CTNNA3: variants seen among roughly 807,000 people sequenced by gnomAD.
The protein encoded by CTNNA3 is catenin alpha 3.
In CTNNA3, 76 loss-of-function variants were observed where a neutral mutation model predicts 95.7. That is an observed-to-expected ratio of 0.79 (90% CI 0.66 to 0.96). The LOEUF (loss-of-function observed/expected upper bound fraction) is 0.96. CTNNA3 is among the 40% of genes least tolerant of loss of function. The probability of loss-of-function intolerance (pLI) is 0.00; values close to 1 mark genes in which losing one functional copy is unlikely to be tolerated. For synonymous variants in CTNNA3, 431 were observed against 374.4 expected (o/e 1.15, Z -1.74); for missense variants, 1,191 against 1,089.8 (o/e 1.09, Z -1.31).
rs1478137167 is a variant in CTNNA3, at chr10:65,914,276, A to G, written c.*6054T>C. 6.6e-6 allele frequency: 1 copy of G among 152,138 alleles called. No individual in the cohort carries two copies. The highest frequency in any genetic ancestry group is 1.5e-5 in the Non-Finnish European group (1 of 68,016). The allele number at this position is 152,138 out of a possible 1,614,324, so 9.4% of individuals were successfully genotyped here. On this transcript the variant is annotated 3_prime_UTR_variant, in exon 18 of 18. Transcript: ENST00000433211. ...AGGCACCATCATGACTACCAGATAC[A>G]TAAAAGTGAAGATCCCCAATATACA...
intron 9 of CTNNA3, among the ~76,000 whole-genome samples, chr10:66,652,401 G>A (rs1193842238): frequency 1.3e-5 from 2 of 151,940 alleles, no homozygotes; most frequent in Non-Finnish European, 2.9e-5. Flanking sequence ...TAGAAGAAAT[G>A]GGTAAATTTC....
At chr10:67,651,461 C>T (rs191777689) in intron 1 of CTNNA3, among the ~76,000 whole-genome samples, 1 of 152,316 alleles carries the variant, frequency 6.6e-6, no homozygotes, top group Admixed American at 6.5e-5. Context: ...TTAACACCCC[C>T]TCCCATTTCC....
chr10:66,922,459 C>T lies in CTNNA3; in HGVS notation c.1048-146935G>A, dbSNP rs551136584. Among the ~76,000 whole-genome samples, 4 of 152,294 alleles carry T rather than the reference C, an allele frequency of 2.6e-5. No individual in the cohort carries two copies. In the East Asian group the frequency reaches 7.7e-4, roughly 29 times the overall value. ...TATGTCTTTGCAGTAACTTCTGCAG[C>T]CTCAAGTATTCAGTGTGGCTTAGAA... On this transcript the variant is annotated intron_variant, in intron 7 of 17. Coordinates refer to ENST00000433211, the MANE Select transcript of CTNNA3 (RefSeq NM_013266.4).
intron 5 of CTNNA3, among the ~76,000 whole-genome samples, chr10:67,478,465 T>C (rs1848100782): frequency 6.6e-6 from 1 of 152,104 alleles, no homozygotes; most frequent in Non-Finnish European, 1.5e-5. Flanking sequence ...CCAGGAGAGA[T>C]TGGGAGCTCA....
intron 13 of CTNNA3, among the ~76,000 whole-genome samples, chr10:66,148,183 T>C (rs941437017): frequency 6.6e-6 from 1 of 152,060 alleles, no homozygotes; most frequent in Non-Finnish European, 1.5e-5. Context: ...TGGGCATTAA[T>C]GTCGGGTCAT....
chr10:66,607,396 T>C (rs1382949654), intron 10 of CTNNA3, among the ~76,000 whole-genome samples: 1 of 146,474 alleles, frequency 6.8e-6, no homozygotes, highest in African/African-American at 2.6e-5. Context: ...TTCCAAAATA[T>C]TGAGGAGAAT....
chr10:67,301,635 GTATA>G (rs112854094), intron 5 of CTNNA3, among the ~76,000 whole-genome samples: 1 of 151,102 alleles, frequency 6.6e-6, no homozygotes, highest in African/African-American at 2.4e-5. Context: ...AGAAAAAGTG[GTATA>G]TATATATATA....
intron 3 of CTNNA3, among the ~76,000 whole-genome samples, chr10:67,568,706 G>A (rs1841890243): frequency 6.6e-6 from 1 of 152,024 alleles, no homozygotes. Context: ...AAAGAAAATA[G>A]CAGTTCAATT....
intron 5 of CTNNA3, among the ~76,000 whole-genome samples, chr10:67,366,067 G>A (rs891506104): frequency 1.3e-5 from 2 of 152,168 alleles, no homozygotes; most frequent in African/African-American, 4.8e-5. Context: ...GGACATGGAT[G>A]AAGCTGGAAA....
At chr10:66,745,635 G>T (rs1838833069) in intron 9 of CTNNA3, among the ~76,000 whole-genome samples, 1 of 147,152 alleles carries the variant, frequency 6.8e-6, no homozygotes, top group Admixed American at 6.9e-5. Flanking sequence ...TGTCGCCCAG[G>T]CTGGAGTGCA....
At chr10:66,678,385 A>C (rs1390179455) in intron 9 of CTNNA3, among the ~76,000 whole-genome samples, 1 of 152,182 alleles carries the variant, frequency 6.6e-6, no homozygotes, top group African/African-American at 2.4e-5. Flanking sequence ...TTATCTATTA[A>C]GCACTTACAA....
chr10:66,249,622 A>G (rs2090470263), intron 13 of CTNNA3, among the ~76,000 whole-genome samples: 1 of 152,214 alleles, frequency 6.6e-6, no homozygotes, highest in East Asian at 1.9e-4. Context: ...CTAAAAGACA[A>G]GCAATAACAA....
At chr10:66,744,220 T>A (rs1798217234) in intron 9 of CTNNA3, among the ~76,000 whole-genome samples, 1 of 152,152 alleles carries the variant, frequency 6.6e-6, no homozygotes, top group African/African-American at 2.4e-5. Context: ...AGAACTGATA[T>A]GATCAATTTG....
intron 5 of CTNNA3, among the ~76,000 whole-genome samples, chr10:67,329,262 T>C (rs142169017): frequency 0.014 from 2,081 of 152,234 alleles, 17 homozygotes; most frequent in Non-Finnish European, 0.022. Context: ...TCCCAGCTAC[T>C]TGGAGTGCTG....
At chr10:65,975,717 A>G (rs1345150823) in intron 16 of CTNNA3, among the ~76,000 whole-genome samples, 2 of 152,082 alleles carry the variant, frequency 1.3e-5, no homozygotes, top group African/African-American at 4.8e-5. Context: ...TTTTAATTAG[A>G]TCTATTATTT....
chr10:66,121,176 C>T (rs1189796854), intron 13 of CTNNA3, among the ~76,000 whole-genome samples: 1 of 152,134 alleles, frequency 6.6e-6, no homozygotes, highest in Non-Finnish European at 1.5e-5. Context: ...CTAAGTACAA[C>T]ACAGAAGCTC....
intron 7 of CTNNA3, among the ~76,000 whole-genome samples, chr10:66,805,984 G>A (rs1449852511): frequency 6.6e-6 from 1 of 151,978 alleles, no homozygotes; most frequent in African/African-American, 2.4e-5. Flanking sequence ...TGGATTAGAT[G>A]ATACTCCTCT....
intron 14 of CTNNA3, among the ~76,000 whole-genome samples, chr10:66,078,690 C>A (rs199708465): frequency 6.6e-6 from 1 of 151,902 alleles, no homozygotes; most frequent in Admixed American, 6.6e-5. Flanking sequence ...CAAAGATTTA[C>A]ACTAAATTTA....
intron 9 of CTNNA3, among the ~76,000 whole-genome samples, chr10:66,735,325 CTAAA>C (rs1188559830): frequency 6.6e-6 from 1 of 151,708 alleles, no homozygotes; most frequent in Non-Finnish European, 1.5e-5. Flanking sequence ...TTTAAAAACC[CTAAA>C]TACTTTGGGA....
Sources: allele counts gnomAD v4.1 joint callset (sites outside exome capture counted in the v4.1 genomes callset), GRCh38; gene constraint gnomAD v4.1.1; transcripts MANE v1.5; gene names NCBI Gene and HGNC (gene_info 2026-07-23, HGNC 2026-07-21).